RIT1: variants seen among roughly 807,000 people sequenced by gnomAD.
RIT1 encodes the protein GTP-binding protein Rit1.
RIT1 carries 6 observed loss-of-function variants against 25.6 expected under a neutral mutation model. That is an observed-to-expected ratio of 0.23 (90% confidence interval 0.13 to 0.46). The LOEUF is 0.46. Ranked by LOEUF, RIT1 falls within the 20% of genes least tolerant of loss-of-function variation. The pLI is 0.99. For synonymous variants in RIT1, 81 were observed against 94.1 expected (o/e 0.86, Z 0.80); for missense variants, 219 against 284.4 (o/e 0.77, Z 1.65).
In RIT1 at chr1:155,910,740, C is replaced by T. The variant is rs1193358245; in HGVS notation, c.22G>A (p.Val8Ile). 6.2e-7 allele frequency: 1 copy of T among 1,614,272 alleles called. No individual in the cohort carries two copies. The highest frequency in any genetic ancestry group is 1.1e-5 in the South Asian group (1 of 91,092). Residue 8 changes from valine (V) to isoleucine (I), a missense_variant, in exon 2 of 6, where the codon GTT becomes ATT. Transcript: ENST00000368323. Reference sequence around the variant, plus strand: ...GCGGGGCTGCTACAGCAGCTACCAACTGGGCGAGTTCCAGAATCCATTGTC... The same window carrying T: ...GCGGGGCTGCTACAGCAGCTACCAATTGGGCGAGTTCCAGAATCCATTGTC... MDSGTRPVGSCCSSPAGL... is the reference protein window; with the variant it reads MDSGTRPIGSCCSSPAGL...
At position 155,910,671 on chromosome 1, in the gene RIT1, C is replaced by G. The variant is rs1571999498; in HGVS notation, c.91G>C (p.Gly31Arg). The change falls in exon 2 of 6, where the codon GGT becomes CGT. Residue 31 changes from glycine (G) to arginine (R), a missense_variant. Transcript: ENST00000368323. The stretch of plus-strand genomic sequence containing the variant: ...TGTTACCTACCACTCTTCCCTACAC[C>G]ACCAGCACCCAGCATCACTAGTTTG... ...EYKLVMLGAG[G>R]VGKSAMTMQF... 6.2e-7 allele frequency: 1 copy of G among 1,614,202 alleles called. No homozygotes were observed. Among genetic ancestry groups the G allele is most frequent in the Middle Eastern group, 1.6e-4 (1 of 6,062 alleles).
chr1:155,910,724 C>T lies in RIT1; in HGVS notation c.38G>A (p.Ser13Asn), dbSNP rs145034964. 34 of 1,614,142 alleles carry T rather than the reference C, an allele frequency of 2.1e-5. No homozygotes were observed. In the African/African-American group the frequency reaches 4.0e-4, roughly 19 times the overall value. Residue 13 changes from serine (S) to asparagine (N), a missense_variant, in exon 2 of 6, where the codon AGC (serine) becomes AAC (asparagine). Physicochemically the swap from Ser to Asn is conservative, Grantham distance 46. Coordinates refer to ENST00000368323, the MANE Select transcript of RIT1 (RefSeq NM_006912.6). ...CTCCCGTGAGAGCCCAGCGGGGCTG[C>T]TACAGCAGCTACCAACTGGGCGAGT... ...SGTRPVGSCC[S>N]SPAGLSREYK...
rs1478175503 is a variant in RIT1 at position 155,899,323 on chromosome 1, C to T, written c.*1065G>A. 4.6e-6 allele frequency: 1 copy of T among 218,652 alleles called. No homozygotes were observed. Among genetic ancestry groups the T allele is most frequent in the East Asian group, 6.7e-5 (1 of 14,996 alleles). The allele number at this position is 218,652 out of a possible 1,614,324, so 13.5% of individuals were successfully genotyped here. On this transcript the variant is annotated 3_prime_UTR_variant, in exon 6 of 6. Transcript: ENST00000368323. ...AAAGCTTTAAGACTGACCCATTCAA[C>T]AGAAATAGCAGATTTTCTCAGAGCA...
chr1:155,903,732 G>C (rs769356439), intron 5 of RIT1, among the ~76,000 whole-genome samples: 4 of 152,204 alleles, frequency 2.6e-5, no homozygotes, highest in Non-Finnish European at 4.4e-5. Context: ...CTTCCAGCCA[G>C]GCGCTGTGGC....
intron 4 of RIT1, 58 bp from the exon 5 acceptor site, chr1:155,904,560 A>G: frequency 6.8e-7 from 1 of 1,461,788 alleles, no homozygotes; most frequent in Non-Finnish European, 9.5e-7. Context: ...TACACACACA[A>G]TTAGCTATTT....
intron 5 of RIT1, among the ~76,000 whole-genome samples, chr1:155,903,452 C>CAA (rs1192641376): frequency 0.32 from 17,063 of 53,174 alleles, 2,824 homozygotes; most frequent in East Asian, 0.71. Flanking sequence ...GACTCTGTCT[C>CAA]AAAAAAAAAA....
intron 3 of RIT1, among the ~76,000 whole-genome samples, chr1:155,908,955 G>A (rs1339821512): frequency 6.6e-6 from 1 of 152,132 alleles, no homozygotes; most frequent in Admixed American, 6.6e-5. Context: ...TGTGCTCTAT[G>A]AAATGACCAT....
At chr1:155,905,339 G>A (rs1673416462) in intron 3 of RIT1, among the ~76,000 whole-genome samples, 1 of 152,080 alleles carries the variant, frequency 6.6e-6, no homozygotes, top group South Asian at 2.1e-4. Flanking sequence ...TGGAACTACA[G>A]GCGTGCTACC....
chr1:155,911,195 T>G, intron 1 of RIT1, 48 bp downstream of exon 1: 1 of 287,042 alleles, frequency 3.5e-6, no homozygotes, highest in Non-Finnish European at 5.8e-6. Flanking sequence ...CCGAACCCCC[T>G]CCCCACCCCC....
intron 5 of RIT1, among the ~76,000 whole-genome samples, chr1:155,903,483 C>T (rs1024927668): frequency 8.0e-6 from 1 of 125,470 alleles, no homozygotes; most frequent in African/African-American, 3.0e-5. Flanking sequence ...AAGAAAGAAA[C>T]ACAAAGGGAG....
At chr1:155,910,560 A>C (rs1212470561) in intron 2 of RIT1, 54 bp from the exon 3 acceptor site, 1 of 1,609,874 alleles carries the variant, frequency 6.2e-7, no homozygotes, top group East Asian at 2.2e-5. Context: ...CACAGAGAGA[A>C]TTTTAAGTAT....
chr1:155,910,792 G>C lies in RIT1; in HGVS notation c.-31C>G, dbSNP rs1260586282. ...TCTTGGGGCCTTCCTCGGTTGCCCC[G>C]AGGAAAAGCCACCTAGAAAAGGAGG... On this transcript the variant is annotated 5_prime_UTR_variant, in exon 2 of 6. Coordinates refer to ENST00000368323, the MANE Select transcript of RIT1 (RefSeq NM_006912.6). The C allele has an allele frequency of 6.2e-7, 1 of 1,614,096 alleles. No individual in the cohort carries two copies.
intron 3 of RIT1, 47 bp from the exon 4 acceptor site, chr1:155,904,851 G>T (rs766193814): frequency 7.9e-7 from 1 of 1,263,906 alleles, no homozygotes; most frequent in Non-Finnish European, 1.2e-6. Context: ...AATGCCGGAA[G>T]AAATGCCTAT....
chr1:155,898,454 G>C lies in RIT1; in HGVS notation c.*1934C>G, dbSNP rs1193972800. 8.2e-6 allele frequency: 1 copy of C among 122,586 alleles called. No individual in the cohort carries two copies. The highest frequency in any genetic ancestry group is 1.0e-4 in the Admixed American group (1 of 9,792). The allele number at this position is 122,586 out of a possible 1,614,324, so 7.6% of individuals were successfully genotyped here. On this transcript the variant is annotated 3_prime_UTR_variant, in exon 6 of 6. Coordinates refer to ENST00000368323, the MANE Select transcript of RIT1 (RefSeq NM_006912.6). ...GGATTGCTTGAGCCTAGGAGTTCGA[G>C]ATCAGCCTGGGCAACATAGTGAAAC...
chr1:155,910,243 A>T (rs540429325), intron 3 of RIT1: 12 of 570,772 alleles, frequency 2.1e-5, no homozygotes, highest in African/African-American at 2.1e-4. Flanking sequence ...GTTCAGTAAG[A>T]GACAAAGACT....
intron 1 of RIT1, 87 bp downstream of exon 1, chr1:155,911,156 C>T: frequency 1.8e-6 from 1 of 545,480 alleles, no homozygotes; most frequent in South Asian, 2.3e-5. Flanking sequence ...CTGCGGTACC[C>T]AGAGGTTCCG....
In RIT1 at chr1:155,907,829, G is replaced by A. The variant is rs1274206392; in HGVS notation, c.163+2621C>T. On this transcript the variant is annotated intron_variant, in intron 3 of 5. Coordinates refer to ENST00000368323, the MANE Select transcript of RIT1 (RefSeq NM_006912.6). ...AACTTGGCCGGATGCGGTGGCTCACGCCTGTAATCCCAGCACTTTGGGAGG... is the reference window on the plus strand; with the variant it reads ...AACTTGGCCGGATGCGGTGGCTCACACCTGTAATCCCAGCACTTTGGGAGG... Among the ~76,000 whole-genome samples the A allele has an allele frequency of 3.9e-5, 6 of 152,332 alleles. 1 individual carries two copies. The highest frequency in any genetic ancestry group is 3.3e-4 in the Admixed American group (5 of 15,294).
Position 155,904,497 on chromosome 1 carries a change from C to G in RIT1, c.243G>C (p.Glu81Asp). 1 of 1,612,056 alleles carries G rather than the reference C, an allele frequency of 6.2e-7. No individual in the cohort carries two copies. The highest frequency in any genetic ancestry group is 8.5e-7 in the Non-Finnish European group (1 of 1,178,282). The change falls in exon 5 of 6, where the codon GAG (glutamate) becomes GAC (aspartate). Residue 81 changes from glutamate (E) to aspartate (D), a missense_variant. Glu to Asp is a conservative substitution (Grantham distance 45, BLOSUM62 2). Transcript: ENST00000368323. ...TATACTGGTCCCGCATGGCTGTAAA[C>G]TCTGCCTAGAGGGAAACAAGGGTCA... ...LDILDTAGQAEFTAMRDQYMR... is the reference protein window; with the variant it reads ...LDILDTAGQADFTAMRDQYMR...
chr1:155,911,035 G>C (rs558213998), intron 1 of RIT1: 2 of 945,890 alleles, frequency 2.1e-6, no homozygotes, highest in South Asian at 3.0e-5. Flanking sequence ...TTTTTCCAAA[G>C]AGAAAAATAA....
Sources: allele counts gnomAD v4.1 joint callset (sites outside exome capture counted in the v4.1 genomes callset), GRCh38; gene constraint gnomAD v4.1.1; transcripts MANE v1.5; gene names NCBI Gene and HGNC (gene_info 2026-07-23, HGNC 2026-07-21).